The following NKAPD1 variants were observed in gnomAD, a reference collection of about 807,000 sequenced individuals.
NKAPD1 encodes the protein uncharacterized protein NKAPD1.
A neutral mutation model predicts 30.9 loss-of-function variants in NKAPD1; 12 were observed. That is an observed-to-expected ratio of 0.39 (90% CI 0.25 to 0.63). The LOEUF (loss-of-function observed/expected upper bound fraction) is 0.63, where lower values mean the gene tolerates loss of function less well. Ranked by LOEUF, NKAPD1 falls within the 20% of genes least tolerant of loss-of-function variation. The probability of loss-of-function intolerance (pLI) is 0.51; values close to 1 mark genes in which losing one functional copy is unlikely to be tolerated. For synonymous variants in NKAPD1, 91 were observed against 113.6 expected, an observed-to-expected ratio of 0.80 and a Z score of 1.26; for missense variants, 311 against 344.5, an observed-to-expected ratio of 0.90 and a Z score of 0.77.
chr11:112,082,343 C>T, intron 5 of NKAPD1, 122 bp from the exon 6 acceptor site: 2 of 842,366 alleles, frequency 2.4e-6, no homozygotes, highest in East Asian at 2.8e-5. Flanking sequence ...TTAAAGTATA[C>T]ATTAAAGTGC....
At chr11:112,075,761 C>G in intron 2 of NKAPD1, 118 bp downstream of exon 2, 1 of 942,860 alleles carries the variant, frequency 1.1e-6, no homozygotes, top group Non-Finnish European at 1.6e-6. Context: ...TTTTTGGAAG[C>G]TTCCGTACAC....
At position 112,083,473 on chromosome 11, in the gene NKAPD1, G is replaced by A. The variant is rs1001611977; in HGVS notation, c.*501G>A. 2.0e-5 allele frequency: 3 copies of A among 153,052 alleles called. No individual in the cohort carries two copies. Among genetic ancestry groups the A allele is most frequent in the African/African-American group, 7.2e-5 (3 of 41,442 alleles). 9.5% of individuals were successfully genotyped at this position (153,052 alleles called of 1,614,324 possible). ...ATCCTTCTATATTTTGACCCCACAG[G>A]TGTGGTCCGGTTTACTTAATCAGGA... On this transcript the variant is annotated 3_prime_UTR_variant, in exon 6 of 6. Transcript: ENST00000393047.
intron 3 of NKAPD1, 136 bp from the exon 4 acceptor site, chr11:112,080,273 T>C (rs1865419229): frequency 1.2e-6 from 1 of 836,474 alleles, no homozygotes; most frequent in Non-Finnish European, 1.8e-6. Flanking sequence ...CTTTGCCTTT[T>C]TTTTTTTTTT....
chr11:112,080,015 A>G (rs915133857), intron 3 of NKAPD1, among the ~76,000 whole-genome samples: 1 of 151,948 alleles, frequency 6.6e-6, no homozygotes, highest in Non-Finnish European at 1.5e-5. Flanking sequence ...GGGTTTCACC[A>G]TGTCCCCCAG....
At chr11:112,077,802 C>T in intron 2 of NKAPD1, among the ~76,000 whole-genome samples, 1 of 151,306 alleles carries the variant, frequency 6.6e-6, no homozygotes, top group Non-Finnish European at 1.5e-5. Context: ...CAGTCTGTAG[C>T]CCAATAATTA....
At chr11:112,078,848 C>T (rs1865385184) in intron 3 of NKAPD1, among the ~76,000 whole-genome samples, 1 of 152,158 alleles carries the variant, frequency 6.6e-6, no homozygotes, top group Admixed American at 6.5e-5. Context: ...CTTGCCTGGC[C>T]TCAGACTTTT....
intron 2 of NKAPD1, among the ~76,000 whole-genome samples, chr11:112,076,448 C>T (rs1733336866): frequency 6.6e-6 from 1 of 152,094 alleles, no homozygotes; most frequent in Non-Finnish European, 1.5e-5. Context: ...ATTCAGTTGA[C>T]CCTTGAACAA....
chr11:112,076,650 AAAC>A (rs546147980), intron 2 of NKAPD1, among the ~76,000 whole-genome samples: 449 of 152,338 alleles, frequency 2.9e-3, no homozygotes, highest in Non-Finnish European at 4.0e-3. Flanking sequence ...TAGCTAGAGA[AAAC>A]AACATTTCAT....
Position 112,082,842 on chromosome 11 carries a change from A to G in NKAPD1, c.752A>G (p.Lys251Arg). ...ESEERDTKKTKRKKREKKAHT... is the reference protein window; with the variant it reads ...ESEERDTKKTRRKKREKKAHT... ...GAGGAAAGAGACACTAAGAAAACCAAAAGGAAAAAGAGAGAGAAAAAAGCC... is the reference window on the plus strand; with the variant it reads ...GAGGAAAGAGACACTAAGAAAACCAGAAGGAAAAAGAGAGAGAAAAAAGCC... The change falls in exon 6 of 6, where the codon AAA becomes AGA. Residue 251 changes from lysine to arginine, a missense_variant. Coordinates refer to ENST00000393047, the MANE Select transcript of NKAPD1 (RefSeq NM_018195.4). The G allele has an allele frequency of 6.2e-7, 1 of 1,614,022 alleles. No individual in the cohort carries two copies. The highest frequency in any genetic ancestry group is 8.5e-7 in the Non-Finnish European group (1 of 1,179,976).
Position 112,082,763 on chromosome 11 carries a change from GA to G in NKAPD1, c.676del (p.Ser226ValfsTer38). ...LKKPALFLEA[E>X]SNTSHSDDSA... ...AAAACCTGCTTTATTCTTAGAGGCA[GA>G]AAGTAACACTTCACATTCAGATGAT... On this transcript the variant is annotated frameshift_variant, in exon 6 of 6. Coordinates refer to ENST00000393047, the MANE Select transcript of NKAPD1 (RefSeq NM_018195.4). LOFTEE classifies it high-confidence loss of function. 1 of 1,613,880 alleles carries G rather than the reference GA, an allele frequency of 6.2e-7. No individual in the cohort carries two copies. The highest frequency in any genetic ancestry group is 8.5e-7 in the Non-Finnish European group (1 of 1,179,986).
chr11:112,078,366 A>G (rs540793310), intron 3 of NKAPD1, 51 bp downstream of exon 3: 19 of 1,407,012 alleles, frequency 1.4e-5, no homozygotes, highest in Non-Finnish European at 1.8e-5. Context: ...TTTCAGAATC[A>G]TCAACTTTTG....
intron 2 of NKAPD1, 100 bp downstream of exon 2, chr11:112,075,743 TC>T: frequency 1.6e-6 from 2 of 1,273,340 alleles, no homozygotes; most frequent in South Asian, 1.4e-5. Flanking sequence ...AATATTCTTG[TC>T]ATCTAGTTTT....
At position 112,082,950 on chromosome 11, in the gene NKAPD1, C is replaced by G. The variant is rs150263388; in HGVS notation, c.860C>G (p.Ala287Gly). ...NWKVATDERS[A>G]ESSEDD Reference sequence around the variant, plus strand: ...AAAGTAGCTACAGATGAAAGGTCTGCTGAGAGCTCAGAGGATGACTAAATG... The same window carrying G: ...AAAGTAGCTACAGATGAAAGGTCTGGTGAGAGCTCAGAGGATGACTAAATG... Residue 287 changes from alanine to glycine, a missense_variant, in exon 6 of 6, where the codon GCT becomes GGT. Coordinates refer to ENST00000393047, the MANE Select transcript of NKAPD1 (RefSeq NM_018195.4). 6.2e-7 allele frequency: 1 copy of G among 1,600,914 alleles called. No homozygotes were observed. Among genetic ancestry groups the G allele is most frequent in the African/African-American group, 1.4e-5 (1 of 73,684 alleles).
rs377186980 is a variant in NKAPD1 at position 112,080,508 on chromosome 11, T to G, written c.270T>G (p.Ala90=). The G allele has an allele frequency of 2.0e-5, 33 of 1,613,952 alleles. No individual in the cohort carries two copies. Among genetic ancestry groups the G allele is most frequent in the Non-Finnish European group, 5.1e-6 (6 of 1,180,014 alleles). ...CACTGGAAGATGATTTTCTTAAGGC[T>G]AAATCCTGGAATAAAAAGTTCTATG... ...SGTLEDDFLK[A]KSWNKKFYDY... Residue 90 remains alanine, a synonymous_variant, in exon 4 of 6, where the codon GCT becomes GCG. Transcript: ENST00000393047.
At chr11:112,077,229 C>T (rs1865348327) in intron 2 of NKAPD1, among the ~76,000 whole-genome samples, 1 of 152,104 alleles carries the variant, frequency 6.6e-6, no homozygotes, top group Admixed American at 6.5e-5. Context: ...TTAACCTGCC[C>T]CTAGTTATAT....
chr11:112,079,050 A>G (rs1393980753), intron 3 of NKAPD1, among the ~76,000 whole-genome samples: 1 of 152,118 alleles, frequency 6.6e-6, no homozygotes, highest in Non-Finnish European at 1.5e-5. Context: ...AGAAATACTT[A>G]AACTCTTTAG....
intron 3 of NKAPD1, among the ~76,000 whole-genome samples, chr11:112,079,426 C>T (rs900584920): frequency 6.6e-6 from 1 of 152,106 alleles, no homozygotes; most frequent in Non-Finnish European, 1.5e-5. Context: ...GGATTACAGG[C>T]GTGAGCCACT....
At chr11:112,080,651 G>A in intron 4 of NKAPD1, 93 bp downstream of exon 4, 2 of 1,414,366 alleles carry the variant, frequency 1.4e-6, no homozygotes, top group South Asian at 2.6e-5. Flanking sequence ...GTGTACAAAA[G>A]TTCATACCAG....
rs773367779 is a variant in NKAPD1 at position 112,082,461 on chromosome 11, T to G, written c.375-4T>G. Reference sequence around the variant, plus strand: ...AGCTTCTATTTTTTAACTTTTCTTATTAGTAGTGATCAGCAAGATATTACC... The same window carrying G: ...AGCTTCTATTTTTTAACTTTTCTTAGTAGTAGTGATCAGCAAGATATTACC... On this transcript the variant is annotated splice_region_variant and splice_polypyrimidine_tract_variant and intron_variant, in intron 5 of 5. Transcript: ENST00000393047. 3 of 1,558,610 alleles carry G rather than the reference T, an allele frequency of 1.9e-6. No homozygotes were observed. The highest frequency in any genetic ancestry group is 1.7e-4 in the Middle Eastern group (1 of 5,810).
Sources: gnomAD v4.1 joint callset for allele counts (sites outside exome capture counted in the v4.1 genomes callset) on GRCh38, gnomAD v4.1.1 for gene constraint, MANE v1.5 for transcripts, NCBI Gene and HGNC (gene_info 2026-07-23, HGNC 2026-07-21) for gene names.